Variants in AGBL4 observed in about 807,000 individuals in gnomAD.
The protein encoded by AGBL4 is cytosolic carboxypeptidase 6.
In AGBL4, 58 loss-of-function variants were observed where a neutral mutation model predicts 66.4. That is an observed-to-expected ratio of 0.87 (90% confidence interval 0.71 to 1.09). The LOEUF (loss-of-function observed/expected upper bound fraction) is 1.09, where lower values mean the gene tolerates loss of function less well. AGBL4 is among the 50% of genes least tolerant of loss of function. AGBL4 has a pLI of 0.00. For synonymous variants in AGBL4, 234 were observed against 222.9 expected (o/e 1.05, Z -0.44); for missense variants, 579 against 631.0 (o/e 0.92, Z 0.88).
chr1:48,724,374 C>T (rs1351945370), intron 6 of AGBL4, among the ~76,000 whole-genome samples: 1 of 152,114 alleles, frequency 6.6e-6, no homozygotes, highest in South Asian at 2.1e-4. Flanking sequence ...CTCACTTTAC[C>T]CCTGTGTGTG....
At position 49,877,154 on chromosome 1, in the gene AGBL4, G is replaced by T. The variant is rs894561354; in HGVS notation, c.35-25636C>A. Among the ~76,000 whole-genome samples, 807 of 150,834 alleles carry T rather than the reference G, an allele frequency of 5.4e-3. 5 individuals carry two copies. The highest frequency in any genetic ancestry group is 0.018 in the African/African-American group (722 of 40,456). On this transcript the variant is annotated intron_variant, in intron 1 of 13. Transcript: ENST00000371839. ...TCCTAATTGAATACCCTTTATTTCC[G>T]TCTCCTGTGTGATTGCCCTGGCCAG...
intron 2 of AGBL4, among the ~76,000 whole-genome samples, chr1:49,770,423 C>T (rs1334938719): frequency 6.6e-6 from 1 of 152,044 alleles, no homozygotes; most frequent in African/African-American, 2.4e-5. Context: ...ATTCAGTTTG[C>T]CGGTGTCTTT....
chr1:49,929,515 A>G (rs1362699863), intron 1 of AGBL4, among the ~76,000 whole-genome samples: 2 of 152,160 alleles, frequency 1.3e-5, no homozygotes, highest in Non-Finnish European at 2.9e-5. Context: ...GAAGTAAATA[A>G]GTAAATTTTG....
intron 4 of AGBL4, among the ~76,000 whole-genome samples, chr1:49,141,042 G>A (rs1441986047): frequency 1.3e-5 from 2 of 152,026 alleles, no homozygotes; most frequent in Non-Finnish European, 2.9e-5. Flanking sequence ...AGTTTTAATG[G>A]AATTTATATT....
intron 5 of AGBL4, among the ~76,000 whole-genome samples, chr1:48,911,452 C>T (rs1236588542): frequency 6.6e-6 from 1 of 151,614 alleles, no homozygotes; most frequent in African/African-American, 2.4e-5. Flanking sequence ...CCCGTCTCTA[C>T]TAAAAAAAAT....
intron 4 of AGBL4, among the ~76,000 whole-genome samples, chr1:49,083,461 TTGGG>T (rs1644843050): frequency 6.6e-6 from 1 of 152,248 alleles, no homozygotes; most frequent in Non-Finnish European, 1.5e-5. Context: ...CTGCCAAGGC[TTGGG>T]GCTTGCACCC....
At position 49,188,918 on chromosome 1, in the gene AGBL4, C is replaced by G. The variant is rs1381908968; in HGVS notation, c.377+56852G>C. Among the ~76,000 whole-genome samples, 3 of 152,110 alleles carry G rather than the reference C, an allele frequency of 2.0e-5. No individual in the cohort carries two copies. In the East Asian group the frequency reaches 5.8e-4, roughly 29 times the overall value. ...GAAAGAACACAGTGGAAATACTATT[C>G]CAGGGGGTCATAGGTTTTATGGCCA... On this transcript the variant is annotated intron_variant, in intron 4 of 13. Coordinates refer to ENST00000371839, the MANE Select transcript of AGBL4 (RefSeq NM_032785.4).
At chr1:49,072,811 C>A (rs1301334782) in intron 4 of AGBL4, among the ~76,000 whole-genome samples, 3 of 152,176 alleles carry the variant, frequency 2.0e-5, no homozygotes, top group Non-Finnish European at 4.4e-5. Flanking sequence ...TGGGGAAGTT[C>A]TCCTGGATAA....
rs145432724 is a variant in AGBL4 at position 48,654,792 on chromosome 1, T to C, written c.725-1341A>G. Among the ~76,000 whole-genome samples, 31 of 152,318 alleles carry C rather than the reference T, an allele frequency of 2.0e-4. No homozygotes were observed. The East Asian group carries it at 5.8e-3, about 28-fold the overall frequency. On this transcript the variant is annotated intron_variant, in intron 7 of 13. Coordinates refer to ENST00000371839, the MANE Select transcript of AGBL4 (RefSeq NM_032785.4). ...CTTTTCATTAGGCCAGGGCTGAGAA[T>C]CCATAGGCAGCTGAAAGCCAGTTGG...
intron 4 of AGBL4, among the ~76,000 whole-genome samples, chr1:49,206,478 T>G (rs951222342): frequency 2.0e-5 from 3 of 152,100 alleles, no homozygotes. Context: ...TTCTCTCCAA[T>G]AAAAACTGTC....
At chr1:49,012,033 A>T (rs1662469990) in intron 5 of AGBL4, among the ~76,000 whole-genome samples, 1 of 151,540 alleles carries the variant, frequency 6.6e-6, no homozygotes, top group Admixed American at 6.6e-5. Context: ...AAATATAATA[A>T]TAAAAGAAAA....
chr1:49,162,164 C>T (rs1354907051), intron 4 of AGBL4, among the ~76,000 whole-genome samples: 1 of 152,050 alleles, frequency 6.6e-6, no homozygotes, highest in Non-Finnish European at 1.5e-5. Flanking sequence ...TAAACACTGG[C>T]CACTATGTTA....
At chr1:49,251,349 G>A (rs553977263) in intron 3 of AGBL4, among the ~76,000 whole-genome samples, 1 of 152,302 alleles carries the variant, frequency 6.6e-6, no homozygotes, top group African/African-American at 2.4e-5. Flanking sequence ...CACATAAAGT[G>A]CAGTCTGCTC....
At chr1:49,041,001 A>T (rs1342889290) in intron 5 of AGBL4, among the ~76,000 whole-genome samples, 1 of 152,132 alleles carries the variant, frequency 6.6e-6, no homozygotes, top group Non-Finnish European at 1.5e-5. Context: ...TAAATGGCAG[A>T]TCACGGTTTT....
At chr1:49,957,805 G>C (rs891216148) in intron 1 of AGBL4, among the ~76,000 whole-genome samples, 38 of 151,794 alleles carry the variant, frequency 2.5e-4, no homozygotes, top group African/African-American at 8.2e-4. Flanking sequence ...GATCTTGACT[G>C]TTTATCCAAT....
chr1:49,388,929 A>G (rs897700260), intron 3 of AGBL4, among the ~76,000 whole-genome samples: 2 of 152,204 alleles, frequency 1.3e-5, no homozygotes, highest in Admixed American at 1.3e-4. Context: ...GGATACAAAT[A>G]TGAATACATC....
At chr1:49,593,818 T>C (rs948011544) in intron 3 of AGBL4, among the ~76,000 whole-genome samples, 7 of 152,150 alleles carry the variant, frequency 4.6e-5, no homozygotes, top group African/African-American at 1.7e-4. Context: ...GCTCTAAAAA[T>C]ATTAGGTATT....
intron 3 of AGBL4, among the ~76,000 whole-genome samples, chr1:49,291,543 A>G (rs1245468692): frequency 2.6e-5 from 4 of 152,256 alleles, no homozygotes; most frequent in Non-Finnish European, 5.9e-5. Flanking sequence ...AAAAGAAGCC[A>G]TATACAAGAG....
chr1:49,425,142 T>C (rs1293740066), intron 3 of AGBL4, among the ~76,000 whole-genome samples: 1 of 152,188 alleles, frequency 6.6e-6, no homozygotes, highest in African/African-American at 2.4e-5. Flanking sequence ...TGAAATGTTC[T>C]AAAATCTTAA....
Sources: gnomAD v4.1 joint callset for allele counts (sites outside exome capture counted in the v4.1 genomes callset) on GRCh38, gnomAD v4.1.1 for gene constraint, MANE v1.5 for transcripts, NCBI Gene and HGNC (gene_info 2026-07-23, HGNC 2026-07-21) for gene names.